Variants in KCNQ4 observed in about 807,000 individuals in gnomAD.
The protein encoded by KCNQ4 is potassium voltage-gated channel subfamily KQT member 4.
A neutral mutation model predicts 72.6 loss-of-function variants in KCNQ4; 31 were observed. That is an observed-to-expected ratio of 0.43 (90% CI 0.32 to 0.58). The LOEUF (loss-of-function observed/expected upper bound fraction) is 0.58, where lower values mean the gene tolerates loss of function less well. Among genes scored for constraint, KCNQ4 ranks in the 20% least tolerant of loss-of-function variants. The pLI is 0.08. For synonymous variants in KCNQ4, 405 were observed against 403.7 expected (o/e 1.00, Z -0.04); for missense variants, 869 against 962.6 (o/e 0.90, Z 1.29).
chr1:40,800,447 T>C (rs1647539530), intron 1 of KCNQ4, among the ~76,000 whole-genome samples: 2 of 152,226 alleles, frequency 1.3e-5, no homozygotes, highest in African/African-American at 4.8e-5. Context: ...ATTGAAACTT[T>C]TAAATATTTA....
intron 1 of KCNQ4, among the ~76,000 whole-genome samples, chr1:40,791,351 T>G (rs1422225101): frequency 6.6e-6 from 1 of 152,124 alleles, no homozygotes; most frequent in Non-Finnish European, 1.5e-5. Context: ...CAGCATCTTC[T>G]CTGGGGGCCC....
intron 9 of KCNQ4, among the ~76,000 whole-genome samples, chr1:40,827,820 G>T (rs2148327311): frequency 6.6e-6 from 1 of 152,222 alleles, no homozygotes; most frequent in South Asian, 2.1e-4. Context: ...ATGTAAATAG[G>T]GTCTGCTTCC....
At chr1:40,818,815 C>G in intron 4 of KCNQ4, 135 bp downstream of exon 4, 1 of 1,015,874 alleles carries the variant, frequency 9.8e-7, no homozygotes, top group Non-Finnish European at 1.5e-6. Context: ...GGTTGGAGCC[C>G]TAGCAGGAGG....
At chr1:40,819,081 C>G (rs1322345980) in intron 4 of KCNQ4, 2 of 492,930 alleles carry the variant, frequency 4.1e-6, no homozygotes, top group African/African-American at 2.3e-5. Context: ...CAAGGTAGGC[C>G]GGGTGCTGGA....
chr1:40,836,563 G>A (rs1022812277), intron 12 of KCNQ4, among the ~76,000 whole-genome samples: 10 of 152,124 alleles, frequency 6.6e-5, no homozygotes, highest in Admixed American at 6.5e-5. Context: ...ACTAGTGAGT[G>A]GAGTAAATAG....
In KCNQ4 at chr1:40,831,277, A is replaced by G. The variant is rs577314845; in HGVS notation, c.1486A>G (p.Arg496Gly). 6.2e-7 allele frequency: 1 copy of G among 1,604,758 alleles called. No homozygotes were observed. The highest frequency in any genetic ancestry group is 2.2e-5 in the East Asian group (1 of 44,592). The change falls in exon 10 of 14, where the codon AGA (arginine) becomes GGA (glycine). Residue 496 changes from arginine to glycine, a missense_variant. Arg to Gly is a moderately radical substitution (Grantham distance 125). Coordinates refer to ENST00000347132, the MANE Select transcript of KCNQ4 (RefSeq NM_004700.4). ...NDRTRFRASL[R>G]LKPRTSAEDA... ...CCGCACCCGCTTCCGGGCATCTCTGAGACTCAAACCCCGCACCTCTGCTGA... is the reference window on the plus strand; with the variant it reads ...CCGCACCCGCTTCCGGGCATCTCTGGGACTCAAACCCCGCACCTCTGCTGA...
chr1:40,808,335 C>G (rs1570816501), intron 1 of KCNQ4, among the ~76,000 whole-genome samples: 1 of 152,134 alleles, frequency 6.6e-6, no homozygotes, highest in East Asian at 1.9e-4. Context: ...GCCTTAAAAA[C>G]AAACAGCAAC....
chr1:40,838,271 C>T (rs55823554), intron 13 of KCNQ4, 40 bp from the exon 14 acceptor site: 18 of 1,584,778 alleles, frequency 1.1e-5, no homozygotes, highest in Middle Eastern at 1.7e-4. Context: ...GCGTCCCCTC[C>T]GGTCCCAGGC....
intron 11 of KCNQ4, among the ~76,000 whole-genome samples, chr1:40,833,847 A>AT (rs1221607589): frequency 6.6e-5 from 10 of 151,460 alleles, no homozygotes; most frequent in African/African-American, 2.2e-4. Flanking sequence ...AAAAAAAAAA[A>AT]AAAATTAAAA....
rs78209205 is a variant in KCNQ4, at chr1:40,825,948, G to A, written c.1292+1690G>A. On this transcript the variant is annotated intron_variant, in intron 9 of 13. Transcript: ENST00000347132. Reference sequence around the variant, plus strand: ...TTGGCTGTCACTGACTCCCAGCCTCGTATCTATCTGCCTGGGAGGGGACTT... The same window carrying A: ...TTGGCTGTCACTGACTCCCAGCCTCATATCTATCTGCCTGGGAGGGGACTT... Among the ~76,000 whole-genome samples the A allele has an allele frequency of 9.5e-3, 1,452 of 152,244 alleles. 24 individuals carry two copies. The highest frequency in any genetic ancestry group is 0.033 in the African/African-American group (1,355 of 41,530).
chr1:40,838,444 G>A lies in KCNQ4; in HGVS notation c.2009G>A (p.Ser670Asn), dbSNP rs897614842. Residue 670 changes from serine to asparagine, a missense_variant, in exon 14 of 14, where the codon AGC (serine) becomes AAC (asparagine). By Grantham distance (46) the Ser-to-Asn change is conservative (BLOSUM62 1). This residue lies in a region of KCNQ4 where 480 missense variants were observed against 501.9 expected (regional missense o/e 0.96). Coordinates refer to ENST00000347132, the MANE Select transcript of KCNQ4 (RefSeq NM_004700.4). ...FDPDITSDYH[S>N]PVDHEDISVS... is the part of the protein sequence containing the mutation. ...CCCGACATCACCTCCGACTACCACAGCCCTGTGGACCACGAGGACATCTCC... is the reference window on the plus strand; with the variant it reads ...CCCGACATCACCTCCGACTACCACAACCCTGTGGACCACGAGGACATCTCC... 2.5e-6 allele frequency: 4 copies of A among 1,614,008 alleles called. No homozygotes were observed. Among genetic ancestry groups the A allele is most frequent in the Non-Finnish European group, 2.5e-6 (3 of 1,179,976 alleles).
In KCNQ4 at chr1:40,784,483, G is replaced by A; in HGVS notation, c.314+76G>A. 6.9e-7 allele frequency: 1 copy of A among 1,442,630 alleles called. No homozygotes were observed. Among genetic ancestry groups the A allele is most frequent in the Non-Finnish European group, 9.6e-7 (1 of 1,040,680 alleles). The allele number at this position is 1,442,630 out of a possible 1,614,324, so 89.4% of individuals were successfully genotyped here. ...TCCCGGGGCACGGCCGCCCCGCCCT[G>A]GCTCCGCCTTCTACCCCCCTGCCTC... On this transcript the variant is annotated intron_variant, in intron 1 of 13. Coordinates refer to ENST00000347132, the MANE Select transcript of KCNQ4 (RefSeq NM_004700.4). The surrounding 1 kb of genome is among the most constrained non-coding windows in gnomAD (Gnocchi z 4.1).
intron 1 of KCNQ4, among the ~76,000 whole-genome samples, chr1:40,791,452 C>T (rs764282562): frequency 9.2e-5 from 14 of 152,156 alleles, no homozygotes; most frequent in Admixed American, 2.0e-4. Context: ...GGTGCTGAGC[C>T]GACCTCAGTG....
At position 40,788,612 on chromosome 1, in the gene KCNQ4, G is replaced by A. The variant is rs556406141; in HGVS notation, c.314+4205G>A. ...AGTTAATGTGGAAGAGCCTCAGCCC[G>A]GAGCGGGGGCTGACTGGGAGCTGTT... is the stretch of plus-strand genomic sequence containing the variant. On this transcript the variant is annotated intron_variant, in intron 1 of 13. Transcript: ENST00000347132. The surrounding 1 kb of genome is among the most constrained non-coding windows in gnomAD (Gnocchi z 4.5). 5.9e-5 allele frequency among the ~76,000 whole-genome samples: 9 copies of A among 152,256 alleles called. No homozygotes were observed. Among genetic ancestry groups the A allele is most frequent in the East Asian group, 1.9e-4 (1 of 5,182 alleles).
At chr1:40,809,193 G>C (rs954968368) in intron 1 of KCNQ4, among the ~76,000 whole-genome samples, 8 of 152,076 alleles carry the variant, frequency 5.3e-5, no homozygotes, top group Non-Finnish European at 1.2e-4. Context: ...CAGCTCTCTG[G>C]CTATCCCTCC....
rs576721630 is a variant in KCNQ4 at position 40,829,478 on chromosome 1, C to T, written c.1293-1606C>T. On this transcript the variant is annotated intron_variant, in intron 9 of 13. Transcript: ENST00000347132. ...TCTCCCCTCTGGGCAGAGGCCGCCA[C>T]CCCTAAGGATGGCCCTACATCCTGG... Among the ~76,000 whole-genome samples the T allele has an allele frequency of 1.2e-4, 18 of 152,260 alleles. No individual in the cohort carries two copies. In the East Asian group the frequency reaches 3.1e-3, roughly 26 times the overall value.
rs1203769615 is a variant in KCNQ4 at position 40,784,156 on chromosome 1, G to A, written c.63G>A (p.Ala21=). ...LGPPPGDAPR[A]ELVALTAVQS... The stretch of plus-strand genomic sequence containing the variant: ...CCCCGCCCGGGGACGCCCCCCGCGC[G>A]GAGCTAGTGGCGCTCACGGCCGTGC... Residue 21 remains alanine, a synonymous_variant, in exon 1 of 14, where the codon GCG becomes GCA. Transcript: ENST00000347132. The surrounding 1 kb of genome is among the most constrained non-coding windows in gnomAD (Gnocchi z 4.1). 1 of 1,066,698 alleles carries A rather than the reference G, an allele frequency of 9.4e-7. No individual in the cohort carries two copies. The highest frequency in any genetic ancestry group is 1.1e-6 in the Non-Finnish European group (1 of 872,846). 66.1% of individuals were successfully genotyped at this position (1,066,698 alleles called of 1,614,324 possible).
chr1:40,788,308 T>A lies in KCNQ4; in HGVS notation c.314+3901T>A, dbSNP rs1246086839. ...TGAGTAGCAGATACAGCGGACTCTG[T>A]GCAGAGACCTCAGCTGGGCTAGGCC... On this transcript the variant is annotated intron_variant, in intron 1 of 13. Transcript: ENST00000347132. This position sits in a 1 kb window ranked among gnomAD's most constrained non-coding sequence, Gnocchi z 4.5. Among the ~76,000 whole-genome samples the A allele has an allele frequency of 6.6e-6, 1 of 152,192 alleles. No homozygotes were observed. Among genetic ancestry groups the A allele is most frequent in the Non-Finnish European group, 1.5e-5 (1 of 68,040 alleles).
intron 1 of KCNQ4, among the ~76,000 whole-genome samples, chr1:40,813,749 T>G (rs1469129331): frequency 6.6e-6 from 1 of 151,976 alleles, no homozygotes; most frequent in Non-Finnish European, 1.5e-5. Flanking sequence ...TTTGTTTTTG[T>G]TTTTGTTTTT....
Sources: gnomAD v4.1 joint callset for allele counts (sites outside exome capture counted in the v4.1 genomes callset) on GRCh38, gnomAD v4.1.1 for gene constraint, gnomAD v4.1.1 regional missense constraint, Gnocchi (gnomAD v3.1) non-coding constraint, MANE v1.5 for transcripts, NCBI Gene and HGNC (gene_info 2026-07-23, HGNC 2026-07-21) for gene names.